The following UBR4 variants were observed in gnomAD, a reference collection of about 807,000 sequenced individuals.
UBR4 encodes E3 ubiquitin-protein ligase UBR4.
UBR4 carries 124 observed loss-of-function variants against 575.6 expected under a neutral mutation model. The ratio of observed to expected loss-of-function variants is 0.22; its 90% CI spans 0.19 to 0.25. The LOEUF (loss-of-function observed/expected upper bound fraction) is 0.25. UBR4 is among the 10% of genes least tolerant of loss of function. The pLI, the probability that UBR4 is intolerant of heterozygous loss-of-function variation, is 1.00. For synonymous variants in UBR4, 2,455 were observed against 2,473.7 expected (o/e 0.99, Z 0.22); for missense variants, 4,818 against 6,478.8 (o/e 0.74, Z 8.80).
intron 60 of UBR4, among the ~76,000 whole-genome samples, chr1:19,131,525 C>T (rs1175055453): frequency 6.6e-6 from 1 of 152,022 alleles, no homozygotes; most frequent in African/African-American, 2.4e-5. Context: ...AAATGAAAAT[C>T]CTAAGATATA....
chr1:19,077,812 A>G, intron 104 of UBR4, 164 bp downstream of exon 104: 1 of 1,541,584 alleles, frequency 6.5e-7, no homozygotes, highest in African/African-American at 1.4e-5. Flanking sequence ...CCAGGCTGCC[A>G]GTGTCAATCC....
chr1:19,154,755 C>T (rs2086216572), intron 44 of UBR4, among the ~76,000 whole-genome samples, 163 bp downstream of exon 44: 1 of 152,130 alleles, frequency 6.6e-6, no homozygotes, highest in Non-Finnish European at 1.5e-5. Context: ...CTGCCAAACC[C>T]GGATGTTCCT....
Position 19,106,961 on chromosome 1 carries a change from G to A in UBR4, c.12111C>T (p.Val4037=), listed in dbSNP as rs749493903. Residue 4037 remains valine (V), a synonymous_variant, in exon 82 of 106, where the codon GTC becomes GTT. Transcript: ENST00000375254. ...PAPTSKKNKD[V]PVEALTTVKP... ...TCACCGTGGTGAGGGCCTCAACGGGGACATCCTGGAGGAGGCAAGTGGAGC... is the reference window on the plus strand; with the variant it reads ...TCACCGTGGTGAGGGCCTCAACGGGAACATCCTGGAGGAGGCAAGTGGAGC... 2 of 1,611,892 alleles carry A rather than the reference G, an allele frequency of 1.2e-6. No individual in the cohort carries two copies. Among genetic ancestry groups the A allele is most frequent in the South Asian group, 2.2e-5 (2 of 90,926 alleles).
At chr1:19,137,867 G>T in intron 60 of UBR4, 140 bp downstream of exon 60, 1 of 932,090 alleles carries the variant, frequency 1.1e-6, no homozygotes, top group Non-Finnish European at 1.5e-6. Flanking sequence ...ACTTTAAACT[G>T]TTTCAGAAGT....
chr1:19,102,435 T>C (rs4912046), intron 87 of UBR4, among the ~76,000 whole-genome samples: 87,649 of 151,878 alleles, frequency 0.58, 25,678 homozygotes, highest in East Asian at 0.76. Flanking sequence ...TAAAGGTCCC[T>C]GACGAAGTCA....
At chr1:19,166,727 A>C (rs1183217693) in intron 29 of UBR4, among the ~76,000 whole-genome samples, 1 of 33,794 alleles carries the variant, frequency 3.0e-5, no homozygotes, top group Non-Finnish European at 6.7e-5. Context: ...AAAAAAAAAA[A>C]AAAAAAAAAA....
Position 19,145,854 on chromosome 1 carries a change from G to A in UBR4, c.7884C>T (p.His2628=). The A allele has an allele frequency of 6.2e-7, 1 of 1,614,232 alleles. No individual in the cohort carries two copies. Among genetic ancestry groups the A allele is most frequent in the African/African-American group, 1.3e-5 (1 of 75,072 alleles). Residue 2628 remains histidine, a synonymous_variant, in exon 53 of 106, where the codon CAC becomes CAT. Coordinates refer to ENST00000375254, the MANE Select transcript of UBR4 (RefSeq NM_020765.3). ...CCSFITQLVN[H]FWKLHASKPK... is the part of the protein sequence containing the mutation. ...GTTTGGATGCATGGAGTTTCCAGAAGTGGTTCACAAGCTGGGTGATGAAAC... is the reference window on the plus strand; with the variant it reads ...GTTTGGATGCATGGAGTTTCCAGAAATGGTTCACAAGCTGGGTGATGAAAC...
rs2085110041 is a variant in UBR4, at chr1:19,148,017, G to A, written c.7605C>T (p.Ser2535=). The A allele has an allele frequency of 6.2e-7, 1 of 1,612,876 alleles. No individual in the cohort carries two copies. The highest frequency in any genetic ancestry group is 1.3e-5 in the African/African-American group (1 of 74,924). The change falls in exon 51 of 106, where the codon AGC becomes AGT. Residue 2535 remains serine (S), a synonymous_variant. Coordinates refer to ENST00000375254, the MANE Select transcript of UBR4 (RefSeq NM_020765.3). ...SKSLLASLHT[S]RSAYHSHKDQ... ...CCTTGTGGCTGTGGTAGGCCGAGCG[G>A]CTGGTGTGCAGGCTGGCCAGAAGGC...
At chr1:19,200,408 G>A (rs2092689979) in intron 2 of UBR4, among the ~76,000 whole-genome samples, 1 of 152,086 alleles carries the variant, frequency 6.6e-6, no homozygotes, top group Admixed American at 6.6e-5. Flanking sequence ...TACTATTGTA[G>A]TAGTATTCCC....
At chr1:19,189,338 C>G (rs903545753) in intron 11 of UBR4, among the ~76,000 whole-genome samples, 3 of 152,158 alleles carry the variant, frequency 2.0e-5, no homozygotes, top group Non-Finnish European at 4.4e-5. Flanking sequence ...GGGAATTCAT[C>G]CCAACAGGAC....
At chr1:19,206,341 T>TA (rs2151828053) in intron 1 of UBR4, among the ~76,000 whole-genome samples, 1 of 151,098 alleles carries the variant, frequency 6.6e-6, no homozygotes, top group African/African-American at 2.4e-5. Flanking sequence ...TGTCTCTCTT[T>TA]TTTTTTTTTT....
chr1:19,205,776 T>C (rs2092976303), intron 1 of UBR4, among the ~76,000 whole-genome samples: 1 of 152,192 alleles, frequency 6.6e-6, no homozygotes, highest in African/African-American at 2.4e-5. Flanking sequence ...CTAATGGGAA[T>C]GTTGTGACAG....
rs1326682650 is a variant in UBR4 at position 19,185,162 on chromosome 1, G to A, written c.1875C>T (p.Ser625=). 6.2e-7 allele frequency: 1 copy of A among 1,614,160 alleles called. No individual in the cohort carries two copies. The highest frequency in any genetic ancestry group is 2.2e-5 in the East Asian group (1 of 44,882). The change falls in exon 15 of 106, where the codon AGC becomes AGT. Residue 625 remains serine (S), a synonymous_variant. Coordinates refer to ENST00000375254, the MANE Select transcript of UBR4 (RefSeq NM_020765.3). ...TCTCACCAGGGGCCTGCTTACTGGG[G>A]CTTTTAACCCGAGGAGAGCTTTCCA... ...PPLESSPRVK[S]PSKQAPGEKG...
At chr1:19,183,677 G>A (rs183913432) in intron 17 of UBR4, 134 bp downstream of exon 17, 20 of 849,860 alleles carry the variant, frequency 2.4e-5, no homozygotes, top group Admixed American at 1.6e-4. Flanking sequence ...AGCCAAGACC[G>A]TGTCACTGCA....
At chr1:19,090,196 C>A (rs1309282161) in intron 97 of UBR4, among the ~76,000 whole-genome samples, 1 of 152,214 alleles carries the variant, frequency 6.6e-6, no homozygotes, top group African/African-American at 2.4e-5. Context: ...CGGTCACTCT[C>A]CAAATCCCAT....
chr1:19,175,285 T>A (rs1352839895), intron 20 of UBR4, among the ~76,000 whole-genome samples: 3 of 147,458 alleles, frequency 2.0e-5, no homozygotes, highest in Admixed American at 2.0e-4. Context: ...ATCTAGACAT[T>A]GCCAAATGTC....
rs758862289 is a variant in UBR4, at chr1:19,177,588, A to G, written c.2510T>C (p.Ile837Thr). 1 of 1,613,824 alleles carries G rather than the reference A, an allele frequency of 6.2e-7. No homozygotes were observed. Among genetic ancestry groups the G allele is most frequent in the South Asian group, 1.1e-5 (1 of 91,050 alleles). ...ATCCATGTTGACGCTCAACTCCTGG[A>G]TGATCTGGACAAAAAGCGACAATAT... is the stretch of plus-strand genomic sequence containing the variant. ...RAILSLFVQI[I>T]QELSVNMDAQ... Residue 837 changes from isoleucine (I) to threonine (T), a missense_variant, in exon 19 of 106, where the codon ATC (isoleucine) becomes ACC (threonine). Transcript: ENST00000375254.
chr1:19,143,920 C>A, intron 55 of UBR4, 60 bp downstream of exon 55: 1 of 1,507,628 alleles, frequency 6.6e-7, no homozygotes, highest in Non-Finnish European at 9.2e-7. Context: ...TGCTACTGTA[C>A]CTCCCTCTCT....
At chr1:19,166,382 C>A (rs4325153) in intron 29 of UBR4, among the ~76,000 whole-genome samples, 101,614 of 152,068 alleles carry the variant, frequency 0.67, 34,749 homozygotes, top group East Asian at 0.81. Context: ...GCTCCTCTGT[C>A]CATCTCATCA....
Sources: gnomAD v4.1 joint callset for allele counts (sites outside exome capture counted in the v4.1 genomes callset) on GRCh38, gnomAD v4.1.1 for gene constraint, MANE v1.5 for transcripts, NCBI Gene and HGNC (gene_info 2026-07-23, HGNC 2026-07-21) for gene names.